THSD7B: variants seen among roughly 807,000 people sequenced by gnomAD.
THSD7B encodes the protein thrombospondin type 1 domain containing 7B.
THSD7B carries 138 observed loss-of-function variants against 213.6 expected under a neutral mutation model. That is an observed-to-expected ratio of 0.65 (90% confidence interval 0.56 to 0.74). The LOEUF (loss-of-function observed/expected upper bound fraction) is 0.74. Ranked by LOEUF, THSD7B falls within the 30% of genes least tolerant of loss-of-function variation. The probability of loss-of-function intolerance (pLI) is 0.00; values close to 1 mark genes in which losing one functional copy is unlikely to be tolerated. For missense variants in THSD7B, 1,931 were observed against 1,991.5 expected, an observed-to-expected ratio of 0.97 and a Z score of 0.58; for synonymous variants, 742 against 687.0, an observed-to-expected ratio of 1.08 and a Z score of -1.25.
At chr2:137,147,079 A>G (rs1052168439) in intron 5 of THSD7B, among the ~76,000 whole-genome samples, 15 of 152,146 alleles carry the variant, frequency 9.9e-5, no homozygotes, top group Non-Finnish European at 1.2e-4. Flanking sequence ...TCTGTTCCCA[A>G]TTTTGACCCA....
At chr2:137,295,553 G>T (rs909199079) in intron 12 of THSD7B, among the ~76,000 whole-genome samples, 5 of 151,726 alleles carry the variant, frequency 3.3e-5, no homozygotes, top group African/African-American at 1.2e-4. Context: ...TCGGCTTACT[G>T]CAACCTCCTA....
At chr2:136,871,752 T>C (rs144243031) in intron 1 of THSD7B, among the ~76,000 whole-genome samples, 140 of 152,310 alleles carry the variant, frequency 9.2e-4, no homozygotes, top group African/African-American at 3.3e-3. Context: ...TTCATTCTCA[T>C]TGGGGAAGCT....
intron 2 of THSD7B, among the ~76,000 whole-genome samples, chr2:136,987,343 T>A (rs1213830824): frequency 6.6e-6 from 1 of 152,202 alleles, no homozygotes; most frequent in Non-Finnish European, 1.5e-5. Context: ...CCACTGGGGC[T>A]ATTCATATTT....
At chr2:137,070,415 T>A (rs1344165315) in intron 3 of THSD7B, among the ~76,000 whole-genome samples, 2 of 151,986 alleles carry the variant, frequency 1.3e-5, no homozygotes, top group Admixed American at 6.6e-5. Context: ...CAATGTACAA[T>A]CTACTGCACT....
chr2:137,399,483 A>C (rs1489029276), intron 12 of THSD7B, among the ~76,000 whole-genome samples: 2 of 151,998 alleles, frequency 1.3e-5, no homozygotes, highest in African/African-American at 4.8e-5. Flanking sequence ...ATGAGGCATA[A>C]CACTCAGCCT....
chr2:136,771,677 T>C (rs1427602), intron 1 of THSD7B, among the ~76,000 whole-genome samples: 96,625 of 151,962 alleles, frequency 0.64, 31,060 homozygotes, highest in East Asian at 0.9. Context: ...TCTCTCAGTC[T>C]GAACAACTCA....
At position 137,642,727 on chromosome 2, in the gene THSD7B, G is replaced by A. The variant is rs1682962958; in HGVS notation, c.3945+94G>A. ...ATGCGCTGATGGAATAAATTTCACA[G>A]CACCAGGGGTCTGGCACAATGTATT... On this transcript the variant is annotated intron_variant, in intron 21 of 27. Transcript: ENST00000409968. The A allele has an allele frequency of 6.4e-6, 9 of 1,411,710 alleles. 1 individual carries two copies. The South Asian group carries it at 8.2e-5, about 13-fold the overall frequency. 87.4% of individuals were successfully genotyped at this position (1,411,710 alleles called of 1,614,324 possible). A position where few individuals can be genotyped will look rare whatever the true frequency, so the allele number is the denominator to read the frequency against.
intron 14 of THSD7B, among the ~76,000 whole-genome samples, chr2:137,438,812 A>G (rs937641255): frequency 7.9e-5 from 12 of 152,118 alleles, no homozygotes; most frequent in African/African-American, 2.9e-4. Flanking sequence ...TCTGTCCCTC[A>G]GTACCTGTAC....
chr2:137,340,079 T>A (rs1684726723), intron 12 of THSD7B, among the ~76,000 whole-genome samples: 1 of 151,840 alleles, frequency 6.6e-6, no homozygotes, highest in East Asian at 1.9e-4. Flanking sequence ...AATATATCAT[T>A]GTGATTTATA....
chr2:137,462,110 AT>A (rs1362345755), intron 15 of THSD7B, among the ~76,000 whole-genome samples: 7 of 152,066 alleles, frequency 4.6e-5, no homozygotes, highest in Non-Finnish European at 1.5e-5. Context: ...TAAGTTTTAC[AT>A]TGTGCAGCAT....
chr2:137,303,530 A>T (rs971337815), intron 12 of THSD7B, among the ~76,000 whole-genome samples: 8 of 151,166 alleles, frequency 5.3e-5, no homozygotes, highest in African/African-American at 1.9e-4. Flanking sequence ...TCTCAGGTTC[A>T]TAGAAAAGTT....
intron 27 of THSD7B, among the ~76,000 whole-genome samples, chr2:137,672,325 A>C (rs1033728871): frequency 6.6e-6 from 1 of 152,220 alleles, no homozygotes; most frequent in Non-Finnish European, 1.5e-5. Context: ...GCATGGTAGA[A>C]TCAACCCCAG....
intron 1 of THSD7B, among the ~76,000 whole-genome samples, chr2:136,825,220 C>T (rs1294789041): frequency 6.6e-6 from 1 of 152,178 alleles, no homozygotes; most frequent in Non-Finnish European, 1.5e-5. Context: ...TAGTCTTTTA[C>T]TGCTGCTTTA....
At chr2:137,316,130 T>G (rs1277919175) in intron 12 of THSD7B, among the ~76,000 whole-genome samples, 3 of 152,218 alleles carry the variant, frequency 2.0e-5, no homozygotes, top group Non-Finnish European at 4.4e-5. Context: ...ATGTTGACAA[T>G]TATAGCGAAG....
At chr2:137,244,185 C>T (rs1424401227) in intron 10 of THSD7B, among the ~76,000 whole-genome samples, 1 of 152,178 alleles carries the variant, frequency 6.6e-6, no homozygotes, top group African/African-American at 2.4e-5. Flanking sequence ...AAAAACATTT[C>T]AAGCTCTTAA....
At chr2:136,858,830 G>A (rs1034627665) in intron 1 of THSD7B, among the ~76,000 whole-genome samples, 1 of 152,176 alleles carries the variant, frequency 6.6e-6, no homozygotes, top group Non-Finnish European at 1.5e-5. Context: ...CCCATGGTGC[G>A]CCCTTATTGA....
At chr2:137,574,776 T>TCA (rs1218667445) in intron 17 of THSD7B, among the ~76,000 whole-genome samples, 1 of 152,118 alleles carries the variant, frequency 6.6e-6, no homozygotes, top group Non-Finnish European at 1.5e-5. Flanking sequence ...TAATGTCCCG[T>TCA]CATCATAGGA....
chr2:137,599,698 G>T (rs1411252027), intron 17 of THSD7B, among the ~76,000 whole-genome samples: 1 of 152,078 alleles, frequency 6.6e-6, no homozygotes, highest in African/African-American at 2.4e-5. Context: ...TATGTTTATT[G>T]CAGCATTATT....
At chr2:136,876,807 G>A (rs1033820798) in intron 1 of THSD7B, among the ~76,000 whole-genome samples, 3 of 152,176 alleles carry the variant, frequency 2.0e-5, no homozygotes, top group African/African-American at 7.2e-5. Context: ...GGAATGGGGA[G>A]CTCCTGCCTG....
Sources: gnomAD v4.1 joint callset for allele counts (sites outside exome capture counted in the v4.1 genomes callset) on GRCh38, gnomAD v4.1.1 for gene constraint, MANE v1.5 for transcripts, NCBI Gene and HGNC (gene_info 2026-07-23, HGNC 2026-07-21) for gene names.